GSK3B: variants seen among roughly 807,000 people sequenced by gnomAD.
GSK3B encodes glycogen synthase kinase-3 beta.
In GSK3B, 15 loss-of-function variants were observed where a neutral mutation model predicts 56.4. That is an observed-to-expected ratio of 0.27 (90% CI 0.18 to 0.41). GSK3B has a LOEUF of 0.41. GSK3B is among the 10% of genes least tolerant of loss of function. The probability of loss-of-function intolerance (pLI) is 1.00; values close to 1 mark genes in which losing one functional copy is unlikely to be tolerated. For synonymous variants in GSK3B, 181 were observed against 188.9 expected (o/e 0.96, Z 0.34); for missense variants, 300 against 513.4 (o/e 0.58, Z 4.02).
chr3:119,853,150 A>G (rs2108021680), intron 9 of GSK3B, among the ~76,000 whole-genome samples: 1 of 152,318 alleles, frequency 6.6e-6, no homozygotes, highest in Non-Finnish European at 1.5e-5. Flanking sequence ...ATGGCTAGCC[A>G]GTTTTCCCGG....
intron 1 of GSK3B, 124 bp downstream of exon 1, chr3:120,093,223 T>C (rs2058529195): frequency 1.6e-6 from 1 of 642,702 alleles, no homozygotes; most frequent in African/African-American, 1.8e-5. Flanking sequence ...TGACTGAAGA[T>C]AGGTTTTGCC....
Position 119,822,158 on chromosome 3 carries a change from AAT to A in GSK3B, c.*4628_*4629del, listed in dbSNP as rs1491245347. 5.2e-6 allele frequency: 1 copy of A among 193,718 alleles called. No homozygotes were observed. Among genetic ancestry groups the A allele is most frequent in the Non-Finnish European group, 1.1e-5 (1 of 93,486 alleles). 12.0% of individuals were successfully genotyped at this position (193,718 alleles called of 1,614,324 possible). A position where few individuals can be genotyped will look rare whatever the true frequency, so the allele number is the denominator to read the frequency against. On this transcript the variant is annotated 3_prime_UTR_variant, in exon 11 of 11. Coordinates refer to ENST00000264235, the MANE Select transcript of GSK3B (RefSeq NM_001146156.2). ...GTCACAGAGGCATTCAAGTAGTAAT[AAT>A]GTTATACAGATTTTGCTTTTCCTTT...
intron 2 of GSK3B, among the ~76,000 whole-genome samples, chr3:119,970,535 G>A (rs1458983651): frequency 6.6e-6 from 1 of 151,384 alleles, no homozygotes; most frequent in African/African-American, 2.4e-5. Flanking sequence ...ACTTTGAGAG[G>A]CCAAGGCCGG....
chr3:120,078,621 C>G (rs535933506), intron 1 of GSK3B, among the ~76,000 whole-genome samples: 1 of 150,078 alleles, frequency 6.7e-6, no homozygotes, highest in Non-Finnish European at 1.5e-5. Flanking sequence ...GGCACGATCT[C>G]GGCTCACTAC....
intron 2 of GSK3B, among the ~76,000 whole-genome samples, chr3:119,959,180 C>G (rs995287529): frequency 6.6e-6 from 1 of 152,154 alleles, no homozygotes; most frequent in South Asian, 2.1e-4. Context: ...TTTTTAAACA[C>G]TGAAGTAGCC....
intron 1 of GSK3B, among the ~76,000 whole-genome samples, chr3:120,061,500 G>C (rs1173364542): frequency 4.6e-5 from 7 of 152,086 alleles, no homozygotes; most frequent in African/African-American, 1.7e-4. Flanking sequence ...ATCTTACTGT[G>C]TGAATACCAC....
chr3:119,924,344 T>C (rs1481974948), intron 3 of GSK3B, among the ~76,000 whole-genome samples: 1 of 152,238 alleles, frequency 6.6e-6, no homozygotes, highest in Non-Finnish European at 1.5e-5. Flanking sequence ...GCTTGGCTAC[T>C]GAGTGAGAAA....
At chr3:120,056,408 TG>T (rs1194453279) in intron 1 of GSK3B, among the ~76,000 whole-genome samples, 1 of 152,202 alleles carries the variant, frequency 6.6e-6, no homozygotes, top group East Asian at 1.9e-4. Flanking sequence ...AGTACGATCT[TG>T]GCTGACTGCA....
At chr3:119,855,548 T>C (rs1278511791) in intron 9 of GSK3B, among the ~76,000 whole-genome samples, 2 of 152,240 alleles carry the variant, frequency 1.3e-5, no homozygotes, top group East Asian at 3.8e-4. Flanking sequence ...ATTGCGGCAC[T>C]ATTCACAATA....
At chr3:120,006,633 T>C (rs534994133) in intron 1 of GSK3B, among the ~76,000 whole-genome samples, 2 of 152,284 alleles carry the variant, frequency 1.3e-5, no homozygotes, top group South Asian at 4.1e-4. Flanking sequence ...CACAACTGCA[T>C]GGAAACTGAA....
chr3:119,940,468 T>C (rs2057037706), intron 3 of GSK3B, among the ~76,000 whole-genome samples: 1 of 152,118 alleles, frequency 6.6e-6, no homozygotes, highest in African/African-American at 2.4e-5. Flanking sequence ...TACATATACA[T>C]ACATACATAC....
chr3:119,955,151 A>G lies in GSK3B; in HGVS notation c.283-7800T>C, dbSNP rs536674115. ...AAAGTTGCATTATCCATCCTTAGTC[A>G]TCATAAGACTCAAAAAGCATTTAAT... is the stretch of plus-strand genomic sequence containing the variant. On this transcript the variant is annotated intron_variant, in intron 2 of 10. Transcript: ENST00000264235. 2.1e-4 allele frequency among the ~76,000 whole-genome samples: 32 copies of G among 152,090 alleles called. No individual in the cohort carries two copies. In the East Asian group the frequency reaches 6.0e-3, roughly 28 times the overall value.
intron 1 of GSK3B, chr3:120,029,641 C>G: frequency 1.8e-6 from 1 of 546,582 alleles, no homozygotes; most frequent in South Asian, 1.6e-5. Flanking sequence ...CAGATGTTCA[C>G]ATTCATAGCA....
At chr3:119,880,277 A>G (rs2056365751) in intron 7 of GSK3B, among the ~76,000 whole-genome samples, 1 of 152,186 alleles carries the variant, frequency 6.6e-6, no homozygotes, top group Non-Finnish European at 1.5e-5. Flanking sequence ...CTTTTGAATA[A>G]TGTCTATTCA....
rs57760854 is a variant in GSK3B, at chr3:119,885,248, CAAATAAAATA to C, written c.814-8750_814-8741del. Among the ~76,000 whole-genome samples, 688 of 143,896 alleles carry C rather than the reference CAAATAAAATA, an allele frequency of 4.8e-3. 3 individuals are homozygous for C. The highest frequency in any genetic ancestry group is 0.011 in the African/African-American group (431 of 38,496). The allele number at this position is 143,896 out of a possible 152,430, so 94.4% of individuals were successfully genotyped here. ...AACACAATCCTATTTACAATAGCCA[CAAATAAAATA>C]AAATAAAATAAAATAAAATAAAATA... is the stretch of plus-strand genomic sequence containing the variant. On this transcript the variant is annotated intron_variant, in intron 7 of 10. Transcript: ENST00000264235.
rs2056657826 is a variant in GSK3B, at chr3:119,904,149, TG to T, written c.813+1605del. ...TCATCAATAAAAAAATTTGTGAAAA[TG>T]TGTTTTCTCTTTTGTTACTGAAGTA... On this transcript the variant is annotated intron_variant, in intron 7 of 10. Coordinates refer to ENST00000264235, the MANE Select transcript of GSK3B (RefSeq NM_001146156.2). Among the ~76,000 whole-genome samples the T allele has an allele frequency of 4.1e-5, 6 of 147,468 alleles. No individual in the cohort carries two copies. The Admixed American group carries it at 4.1e-4, about 10-fold the overall frequency.
chr3:120,093,336 C>T lies in GSK3B; in HGVS notation c.88+11G>A, dbSNP rs781333462. 6.3e-7 allele frequency: 1 copy of T among 1,578,906 alleles called. No homozygotes were observed. The highest frequency in any genetic ancestry group is 8.7e-7 in the Non-Finnish European group (1 of 1,148,070). On this transcript the variant is annotated intron_variant, in intron 1 of 10. Coordinates refer to ENST00000264235, the MANE Select transcript of GSK3B (RefSeq NM_001146156.2). ...GGTGGAAAAGGGGTGTAAAATAAAA[C>T]CAATACTCACTGCTAACTTTCATGC... is the stretch of plus-strand genomic sequence containing the variant.
chr3:120,051,096 C>G (rs983492051), intron 1 of GSK3B, among the ~76,000 whole-genome samples: 9 of 147,414 alleles, frequency 6.1e-5, no homozygotes, highest in Non-Finnish European at 1.0e-4. Flanking sequence ...CTAGTAGGGT[C>G]TAGGACACTC....
chr3:119,833,690 GTTTTTTT>G (rs902919136), intron 10 of GSK3B, among the ~76,000 whole-genome samples: 2 of 75,788 alleles, frequency 2.6e-5, no homozygotes, highest in Non-Finnish European at 5.3e-5. Flanking sequence ...ACATTAGGTT[GTTTTTTT>G]TTTTTTTTTT....
Sources: allele counts gnomAD v4.1 joint callset (sites outside exome capture counted in the v4.1 genomes callset), GRCh38; gene constraint gnomAD v4.1.1; transcripts MANE v1.5; gene names NCBI Gene and HGNC (gene_info 2026-07-23, HGNC 2026-07-21).